Variants in FRMPD4 observed in about 807,000 individuals in gnomAD.
FRMPD4 encodes the protein FERM and PDZ domain containing 4.
Under a neutral mutation model 94.1 loss-of-function variants are expected in FRMPD4, and 22 were observed. The observed-to-expected ratio is 0.23, with a 90% confidence interval of 0.17 to 0.33. FRMPD4 has a LOEUF of 0.33. FRMPD4 is among the 10% of genes least tolerant of loss of function. FRMPD4 has a pLI of 1.00. For missense variants in FRMPD4, 1,111 were observed against 1,339.9 expected (o/e 0.83, Z 2.67); for synonymous variants, 631 against 548.6 (o/e 1.15, Z -2.10).
At position 12,722,505 on chromosome X, in the gene FRMPD4, C is replaced by G. The variant is rs2042258948; in HGVS notation, c.*647C>G. On this transcript the variant is annotated 3_prime_UTR_variant, in exon 17 of 17. Transcript: ENST00000675598. ...TACAAATTGGTGGGGATGGATTCTA[C>G]TGTGTCAGCACAAATGCTCTTCACA... is the stretch of plus-strand genomic sequence containing the variant. 1 of 111,782 alleles carries G rather than the reference C, an allele frequency of 8.9e-6. No homozygotes were observed. The highest frequency in any genetic ancestry group is 1.9e-5 in the Non-Finnish European group (1 of 53,168). The allele number at this position is 111,782 out of a possible 1,213,427, so 9.2% of individuals were successfully genotyped here.
At chrX:12,272,937 C>T (rs747545618) in intron 1 of FRMPD4, among the ~76,000 whole-genome samples, 5 of 110,239 alleles carry the variant, frequency 4.5e-5, no homozygotes, top group Non-Finnish European at 9.5e-5. Flanking sequence ...ATTAGCCAGG[C>T]ATGGTGGTGC....
chrX:12,538,186 G>A (rs1343793064), intron 2 of FRMPD4, among the ~76,000 whole-genome samples: 4 of 111,592 alleles, frequency 3.6e-5, no homozygotes, highest in East Asian at 2.8e-4. Context: ...ATTATAGCTC[G>A]TGCCTGGCTC....
chrX:12,550,888 T>C (rs890042358), intron 2 of FRMPD4, among the ~76,000 whole-genome samples: 1 of 107,461 alleles, frequency 9.3e-6, no homozygotes, highest in Admixed American at 1.0e-4. Context: ...ATTAATATAT[T>C]CCCTTTTATA....
intron 1 of FRMPD4, among the ~76,000 whole-genome samples, chrX:12,463,018 C>A (rs777819470): frequency 8.9e-6 from 1 of 111,985 alleles, no homozygotes; most frequent in African/African-American, 3.2e-5. Flanking sequence ...AAGGTCATAT[C>A]TAACAATCAT....
At chrX:12,069,694 C>A (rs764687193) in intron 3 of FRMPD4, among the ~76,000 whole-genome samples, 4 of 111,469 alleles carry the variant, frequency 3.6e-5, no homozygotes, top group African/African-American at 9.8e-5. Context: ...CCAGGGCACC[C>A]CAGTGTTTTG....
intron 4 of FRMPD4, among the ~76,000 whole-genome samples, chrX:12,653,044 A>C (rs1047952599): frequency 9.0e-6 from 1 of 111,715 alleles, no homozygotes; most frequent in East Asian, 2.8e-4. Flanking sequence ...TAAGTTCTGC[A>C]GTTGAATGGA....
intron 8 of FRMPD4, 70 bp downstream of exon 8, chrX:12,690,396 T>C: frequency 2.2e-6 from 2 of 919,417 alleles, no homozygotes; most frequent in East Asian, 6.3e-5. Context: ...CCAAGATTTC[T>C]CCCCCACTCT....
At chrX:12,538,444 A>C (rs200877406) in intron 2 of FRMPD4, among the ~76,000 whole-genome samples, 2 of 112,026 alleles carry the variant, frequency 1.8e-5, no homozygotes, top group East Asian at 5.7e-4. Context: ...CTGCAGACTT[A>C]AATATCCCTG....
Position 12,671,796 on chromosome X carries a change from G to A in FRMPD4, c.423-3067G>A, listed in dbSNP as rs147664300. Among the ~76,000 whole-genome samples, 49 of 111,024 alleles carry A rather than the reference G, an allele frequency of 4.4e-4. No homozygotes were observed. In the East Asian group the frequency reaches 0.013, roughly 30 times the overall value. Reference sequence around the variant, plus strand: ...AAGTAGAGCACGCAGGTCTTGGAGGGTGCAATCATAAGACAACTATATTCT... The same window carrying A: ...AAGTAGAGCACGCAGGTCTTGGAGGATGCAATCATAAGACAACTATATTCT... On this transcript the variant is annotated intron_variant, in intron 4 of 16. Transcript: ENST00000675598.
At chrX:12,220,321 A>G (rs139363808) in intron 1 of FRMPD4, among the ~76,000 whole-genome samples, 31 of 112,394 alleles carry the variant, frequency 2.8e-4, no homozygotes, top group African/African-American at 9.7e-4. Context: ...AGAGCTATAA[A>G]GTCATGCTTG....
intron 1 of FRMPD4, among the ~76,000 whole-genome samples, chrX:12,167,311 C>G (rs764503479): frequency 8.9e-6 from 1 of 111,801 alleles, no homozygotes; most frequent in Non-Finnish European, 1.9e-5. Flanking sequence ...TTGTTATGTA[C>G]CCAGTAGTCA....
chrX:11,850,458 C>T (rs1475900239), intron 1 of FRMPD4, among the ~76,000 whole-genome samples: 1 of 111,912 alleles, frequency 8.9e-6, no homozygotes. Context: ...GGTTTATACA[C>T]AAAAGCATTG....
At chrX:12,577,157 G>T (rs2058819583) in intron 2 of FRMPD4, among the ~76,000 whole-genome samples, 1 of 110,539 alleles carries the variant, frequency 9.0e-6, no homozygotes, top group Non-Finnish European at 1.9e-5. Context: ...ATCCACAGCT[G>T]TTTATTAATT....
At chrX:12,422,127 C>A (rs748664706) in intron 1 of FRMPD4, among the ~76,000 whole-genome samples, 1 of 112,015 alleles carries the variant, frequency 8.9e-6, no homozygotes, top group African/African-American at 3.2e-5. Flanking sequence ...GGCTTTGGGG[C>A]GTGCTTCTTT....
chrX:12,550,357 T>TAAA (rs11389848), intron 2 of FRMPD4, among the ~76,000 whole-genome samples: 1 of 104,746 alleles, frequency 9.5e-6, no homozygotes, highest in African/African-American at 3.4e-5. Flanking sequence ...AGCCAAAATG[T>TAAA]AAAAAAAAAA....
intron 2 of FRMPD4, among the ~76,000 whole-genome samples, chrX:12,573,378 G>A (rs1013767056): frequency 1.8e-5 from 2 of 112,144 alleles, no homozygotes; most frequent in African/African-American, 6.5e-5. Context: ...AAAACTCTCA[G>A]AACAAAATGA....
At chrX:11,858,756 A>G (rs28891701) in intron 1 of FRMPD4, among the ~76,000 whole-genome samples, 48,773 of 109,897 alleles carry the variant, frequency 0.44, 8,497 homozygotes, top group Middle Eastern at 0.55. Context: ...ACAGAAATTT[A>G]AAATAAAAGA....
At chrX:12,547,549 C>A (rs752151151) in intron 2 of FRMPD4, among the ~76,000 whole-genome samples, 8 of 112,434 alleles carry the variant, frequency 7.1e-5, no homozygotes, top group African/African-American at 2.6e-4. Context: ...CTCTTATTCC[C>A]ATACATACTG....
chrX:12,591,049 A>G (rs1416464572), intron 2 of FRMPD4, among the ~76,000 whole-genome samples: 1 of 111,818 alleles, frequency 8.9e-6, no homozygotes. Context: ...TGAACAGTGC[A>G]GGAGTTCAGA....
Sources: gnomAD v4.1 joint callset for allele counts (sites outside exome capture counted in the v4.1 genomes callset) on GRCh38, gnomAD v4.1.1 for gene constraint, MANE v1.5 for transcripts, NCBI Gene and HGNC (gene_info 2026-07-23, HGNC 2026-07-21) for gene names.